Variants in CUL1 observed in about 807,000 individuals in gnomAD.
CUL1 encodes the protein cullin-1.
A neutral mutation model predicts 118.0 loss-of-function variants in CUL1; 24 were observed. The ratio of observed to expected loss-of-function variants is 0.20; its 90% confidence interval spans 0.15 to 0.29. The LOEUF (loss-of-function observed/expected upper bound fraction) is 0.29, where lower values mean the gene tolerates loss of function less well. CUL1 is among the 10% of genes least tolerant of loss of function. The pLI, the probability that CUL1 is intolerant of heterozygous loss-of-function variation, is 1.00. For synonymous variants in CUL1, 332 were observed against 340.4 expected (o/e 0.98, Z 0.27); for missense variants, 361 against 933.8 (o/e 0.39, Z 7.99).
chr7:148,719,890 C>T (rs949226573), intron 1 of CUL1, among the ~76,000 whole-genome samples: 63 of 152,298 alleles, frequency 4.1e-4, no homozygotes, highest in African/African-American at 1.5e-3. Context: ...CTTGGTAGCA[C>T]ACTTCTTAAG....
rs541168516 is a variant in CUL1, at chr7:148,798,203, T to G, written c.2030+184T>G. On this transcript the variant is annotated intron_variant, in intron 19 of 21. Transcript: ENST00000325222. ...TTCAGCGAGCCTGATGTTTCTCCAA[T>G]TCTGAGCTTCTGGGATTTTTATTAT... 1.9e-4 allele frequency among the ~76,000 whole-genome samples: 29 copies of G among 152,294 alleles called. No individual in the cohort carries two copies. In the East Asian group the frequency reaches 5.6e-3, roughly 29 times the overall value.
chr7:148,724,342 T>C (rs1485936350), intron 1 of CUL1, among the ~76,000 whole-genome samples: 1 of 152,258 alleles, frequency 6.6e-6, no homozygotes, highest in Non-Finnish European at 1.5e-5. Context: ...TTCTTAAATA[T>C]ATGACTGCTT....
At chr7:148,740,145 C>A (rs1303318867) in intron 2 of CUL1, among the ~76,000 whole-genome samples, 2 of 151,864 alleles carry the variant, frequency 1.3e-5, no homozygotes, top group African/African-American at 4.8e-5. Context: ...CTCCACCTCG[C>A]AGGTTCAAGT....
intron 21 of CUL1, among the ~76,000 whole-genome samples, chr7:148,799,840 G>A (rs974843740): frequency 2.0e-5 from 3 of 152,210 alleles, no homozygotes; most frequent in African/African-American, 4.8e-5. Flanking sequence ...TTGCGGTATC[G>A]AGAAGCACTG....
At chr7:148,712,018 A>G (rs1183106476) in intron 1 of CUL1, among the ~76,000 whole-genome samples, 1 of 152,196 alleles carries the variant, frequency 6.6e-6, no homozygotes, top group Non-Finnish European at 1.5e-5. Flanking sequence ...TGGCCTGAGG[A>G]TGTTTCCCTG....
Position 148,789,939 on chromosome 7 carries a change from A to G in CUL1, c.1674+113A>G, listed in dbSNP as rs1584820498. On this transcript the variant is annotated intron_variant, in intron 15 of 21. Transcript: ENST00000325222. Reference sequence around the variant, plus strand: ...GATGGCCTTCCTGCTGGCTGGCTGCATCACGGTGAACCATGGGGGCAACAC... The same window carrying G: ...GATGGCCTTCCTGCTGGCTGGCTGCGTCACGGTGAACCATGGGGGCAACAC... 3 of 973,670 alleles carry G rather than the reference A, an allele frequency of 3.1e-6. No individual in the cohort carries two copies. In the East Asian group the frequency reaches 7.1e-5, roughly 23 times the overall value. 60.3% of individuals were successfully genotyped at this position (973,670 alleles called of 1,614,324 possible).
chr7:148,761,724 A>G (rs1799837020), intron 7 of CUL1, among the ~76,000 whole-genome samples: 1 of 152,220 alleles, frequency 6.6e-6, no homozygotes, highest in Non-Finnish European at 1.5e-5. Context: ...CCGGGTTCCA[A>G]TAAAACTTTA....
intron 2 of CUL1, among the ~76,000 whole-genome samples, chr7:148,742,566 T>C (rs1047677521): frequency 2.0e-5 from 3 of 151,664 alleles, no homozygotes; most frequent in African/African-American, 7.3e-5. Context: ...GCCATTTTAA[T>C]TAATAATTCT....
intron 2 of CUL1, among the ~76,000 whole-genome samples, chr7:148,735,317 C>T (rs1486953243): frequency 2.6e-5 from 4 of 152,218 alleles, no homozygotes; most frequent in African/African-American, 9.6e-5. Flanking sequence ...TGCCAGGACA[C>T]GCTGGTCCCT....
intron 1 of CUL1, among the ~76,000 whole-genome samples, chr7:148,715,018 A>G (rs1376942410): frequency 6.6e-6 from 1 of 152,048 alleles, no homozygotes; most frequent in Non-Finnish European, 1.5e-5. Context: ...CCCAAGTTGT[A>G]TCTTATTTTT....
chr7:148,766,117 A>G (rs1410098851), intron 7 of CUL1, among the ~76,000 whole-genome samples: 1 of 152,206 alleles, frequency 6.6e-6, no homozygotes, highest in Non-Finnish European at 1.5e-5. Flanking sequence ...GTAAAATCAA[A>G]GAACTTTTTC....
At chr7:148,741,655 T>C (rs1030666810) in intron 2 of CUL1, among the ~76,000 whole-genome samples, 4 of 108,102 alleles carry the variant, frequency 3.7e-5, no homozygotes, top group Admixed American at 3.5e-4. Flanking sequence ...GCCAGGCTGG[T>C]CTCGAGCTCC....
intron 1 of CUL1, among the ~76,000 whole-genome samples, chr7:148,724,642 G>A (rs1359344560): frequency 1.3e-5 from 2 of 152,112 alleles, no homozygotes; most frequent in Non-Finnish European, 2.9e-5. Context: ...AAGTTGTGAG[G>A]GGCCCTGTGG....
At chr7:148,747,395 A>G (rs1413461408) in intron 2 of CUL1, among the ~76,000 whole-genome samples, 2 of 152,186 alleles carry the variant, frequency 1.3e-5, no homozygotes, top group Non-Finnish European at 2.9e-5. Flanking sequence ...GAAGAAGAGA[A>G]GAGAGCTGAA....
rs767416886 is a variant in CUL1 at position 148,767,626 on chromosome 7, A to G, written c.960A>G (p.Gly320=). Residue 320 remains glycine (G), a synonymous_variant, in exon 9 of 22, where the codon GGA becomes GGG. Coordinates refer to ENST00000325222, the MANE Select transcript of CUL1 (RefSeq NM_003592.3). ...GGTTTCTTCCTCTTTCAGATTTGGG[A>G]CGCATGTATAATCTTGTATCTAGAA... The part of the protein sequence containing the change: ...LLDADKNEDL[G]RMYNLVSRIQ... 6 of 1,613,332 alleles carry G rather than the reference A, an allele frequency of 3.7e-6. No homozygotes were observed. The South Asian group carries it at 4.4e-5, about 12-fold the overall frequency.
At chr7:148,796,859 C>T (rs556744040) in intron 17 of CUL1, among the ~76,000 whole-genome samples, 1 of 152,320 alleles carries the variant, frequency 6.6e-6, no homozygotes, top group Admixed American at 6.5e-5. Flanking sequence ...CGAATGGCTG[C>T]TGGCAGTTCT....
intron 17 of CUL1, among the ~76,000 whole-genome samples, chr7:148,795,769 CAAAAAAA>C (rs915978562): frequency 3.6e-5 from 2 of 56,072 alleles, no homozygotes; most frequent in Admixed American, 4.1e-4. Context: ...GACTCTGTCT[CAAAAAAA>C]AAAAAAAAAA....
chr7:148,727,312 T>C (rs540261272), intron 1 of CUL1, among the ~76,000 whole-genome samples: 1 of 152,334 alleles, frequency 6.6e-6, no homozygotes, highest in Admixed American at 6.5e-5. Flanking sequence ...GGAAAAAGTT[T>C]AGAAGAAACG....
At chr7:148,782,179 C>G (rs1426118270) in intron 9 of CUL1, among the ~76,000 whole-genome samples, 1 of 152,170 alleles carries the variant, frequency 6.6e-6, no homozygotes. Flanking sequence ...TGAAAGTGAT[C>G]TAAAATCTGA....
Sources: gnomAD v4.1 joint callset for allele counts (sites outside exome capture counted in the v4.1 genomes callset) on GRCh38, gnomAD v4.1.1 for gene constraint, MANE v1.5 for transcripts, NCBI Gene and HGNC (gene_info 2026-07-23, HGNC 2026-07-21) for gene names.